Variants in SEC14L1 observed in about 807,000 individuals in gnomAD.
The protein encoded by SEC14L1 is SEC14-like protein 1.
In SEC14L1, 48 loss-of-function variants were observed where a neutral mutation model predicts 85.3. That is an observed-to-expected ratio of 0.56 (90% CI 0.45 to 0.72). The LOEUF is 0.72. Ranked by LOEUF, SEC14L1 falls within the 30% of genes least tolerant of loss-of-function variation. The probability of loss-of-function intolerance (pLI) is 0.00; values close to 1 mark genes in which losing one functional copy is unlikely to be tolerated. For synonymous variants in SEC14L1, 391 were observed against 355.5 expected (o/e 1.10, Z -1.12); for missense variants, 682 against 921.4 (o/e 0.74, Z 3.36).
chr17:77,092,742 A>G (rs1183549858), intron 2 of SEC14L1, among the ~76,000 whole-genome samples: 1 of 152,188 alleles, frequency 6.6e-6, no homozygotes, highest in Admixed American at 6.6e-5. Flanking sequence ...TGAGGTCGGG[A>G]GTTCAAGACC....
chr17:77,192,040 C>CT (rs1975568754), intron 5 of SEC14L1, among the ~76,000 whole-genome samples: 1 of 152,052 alleles, frequency 6.6e-6, no homozygotes, highest in Admixed American at 6.5e-5. Flanking sequence ...CATGATCCGT[C>CT]TGCCTCGTCC....
chr17:77,104,687 AGGC>A (rs963969702), intron 3 of SEC14L1, among the ~76,000 whole-genome samples: 3 of 148,786 alleles, frequency 2.0e-5, no homozygotes, highest in Non-Finnish European at 4.5e-5. Context: ...GCTACTCAGG[AGGC>A]TAAGGCAGGA....
At chr17:77,101,668 T>A (rs1023080789) in intron 3 of SEC14L1, among the ~76,000 whole-genome samples, 30 of 152,344 alleles carry the variant, frequency 2.0e-4, no homozygotes, top group Non-Finnish European at 3.8e-4. Flanking sequence ...TCTGTGGGTC[T>A]GGCCTGGGCT....
intron 5 of SEC14L1, among the ~76,000 whole-genome samples, chr17:77,192,188 T>C (rs1199509430): frequency 6.6e-6 from 1 of 152,224 alleles, no homozygotes; most frequent in Admixed American, 6.5e-5. Flanking sequence ...CCTTTAAGAA[T>C]AGTGCCGAGA....
At chr17:77,095,097 G>C (rs946866223) in intron 3 of SEC14L1, 2 of 152,234 alleles carry the variant, frequency 1.3e-5, no homozygotes, top group Admixed American at 6.6e-5. Flanking sequence ...TTTGCAAGCA[G>C]CTGCTGCCCA....
chr17:77,213,013 C>T lies in SEC14L1; in HGVS notation c.1864-301C>T, dbSNP rs1356149223. On this transcript the variant is annotated intron_variant, in intron 15 of 16. Transcript: ENST00000436233. The surrounding 1 kb of genome is among the most constrained non-coding windows in gnomAD (Gnocchi z 7.1). ...TGAGCCCTCCCTCCAGCATGGGTGC[C>T]ACCAGCCTGCCAGGCTCCTGCCTCC... 6.6e-6 allele frequency among the ~76,000 whole-genome samples: 1 copy of T among 152,246 alleles called. No homozygotes were observed. The highest frequency in any genetic ancestry group is 1.5e-5 in the Non-Finnish European group (1 of 68,034).
At chr17:77,200,711 C>T (rs747998638) in intron 9 of SEC14L1, 38 bp downstream of exon 9, 1 of 1,580,124 alleles carries the variant, frequency 6.3e-7, no homozygotes, top group Non-Finnish European at 8.6e-7. Flanking sequence ...CCATCGTTGT[C>T]TTGATGTGTG....
chr17:77,214,236 TTTGTATACG>T lies in SEC14L1; in HGVS notation c.*218_*226del. 1 of 1,371,868 alleles carries T rather than the reference TTTGTATACG, an allele frequency of 7.3e-7. No individual in the cohort carries two copies. 85.0% of individuals were successfully genotyped at this position (1,371,868 alleles called of 1,614,324 possible). ...CTAACTTAACTCAATAGCCATAGAT[TTTGTATACG>T]TTGTGCACAAAATCCAACCAGAGCG... On this transcript the variant is annotated 3_prime_UTR_variant, in exon 17 of 17. Transcript: ENST00000436233.
intron 3 of SEC14L1, among the ~76,000 whole-genome samples, chr17:77,146,673 A>G (rs1973324929): frequency 6.6e-6 from 1 of 151,376 alleles, no homozygotes; most frequent in African/African-American, 2.4e-5. Context: ...CACCAGCTTC[A>G]GGAAATTTTC....
upstream of SEC14L1, among the ~76,000 whole-genome samples, chr17:77,136,472 C>T (rs1361775698): frequency 6.6e-6 from 1 of 152,056 alleles, no homozygotes; most frequent in African/African-American, 2.4e-5. Context: ...TGTTAGTCGC[C>T]ACCAATATTA....
chr17:77,156,987 C>A (rs866074725), intron 3 of SEC14L1, among the ~76,000 whole-genome samples: 4 of 152,098 alleles, frequency 2.6e-5, no homozygotes, highest in Non-Finnish European at 5.9e-5. Context: ...AAGTAAAATT[C>A]TTGACTCTGG....
intron 3 of SEC14L1, among the ~76,000 whole-genome samples, chr17:77,097,380 A>G (rs1473567806): frequency 1.3e-5 from 2 of 152,028 alleles, no homozygotes; most frequent in African/African-American, 4.8e-5. Context: ...CCTGGCCAAC[A>G]TGGTGAAACC....
At chr17:77,111,176 ACT>A (rs1332009329) in intron 3 of SEC14L1, among the ~76,000 whole-genome samples, 2 of 144,650 alleles carry the variant, frequency 1.4e-5, no homozygotes, top group Non-Finnish European at 3.0e-5. Flanking sequence ...ACAGAGCGAG[ACT>A]CTGTCTCAAA....
upstream of SEC14L1, among the ~76,000 whole-genome samples, chr17:77,139,678 T>C (rs1440067723): frequency 1.3e-5 from 2 of 151,686 alleles, no homozygotes; most frequent in Non-Finnish European, 2.9e-5. Context: ...GTTGTATTTT[T>C]AGTAGAGACA....
At chr17:77,116,622 A>T (rs773177413) in intron 3 of SEC14L1, among the ~76,000 whole-genome samples, 1 of 152,208 alleles carries the variant, frequency 6.6e-6, no homozygotes, top group African/African-American at 2.4e-5. Flanking sequence ...GTAAAACTGA[A>T]AGGCTCATAT....
rs138920965 is a variant in SEC14L1 at position 77,212,097 on chromosome 17, C to T, written c.1759C>T (p.Pro587Ser). ...DSLGAHSITS[P>S]GGNNVQLIDK... ...CCTGGGAGCCCACAGCATCACCTCTCCGGGTGGGAACAATGTGCAGCTCAT... is the reference window on the plus strand; with the variant it reads ...CCTGGGAGCCCACAGCATCACCTCTTCGGGTGGGAACAATGTGCAGCTCAT... The change falls in exon 15 of 17, where the codon CCG (proline) becomes TCG (serine). Residue 587 changes from proline to serine, a missense_variant. By Grantham distance (74) the Pro-to-Ser change is moderately conservative. Coordinates refer to ENST00000436233, the MANE Select transcript of SEC14L1 (RefSeq NM_001143998.2). 2.0e-3 allele frequency: 3,268 copies of T among 1,614,198 alleles called. 10 individuals carry two copies. Among genetic ancestry groups the T allele is most frequent in the Non-Finnish European group, 2.6e-3 (3,012 of 1,180,044 alleles).
chr17:77,185,384 G>A, intron 3 of SEC14L1: 1 of 985,450 alleles, frequency 1.0e-6, no homozygotes, highest in Non-Finnish European at 1.2e-6. Context: ...GCATGCCAAG[G>A]TAAAGTGAAC....
intron 3 of SEC14L1, among the ~76,000 whole-genome samples, chr17:77,172,114 T>C (rs901302924): frequency 2.0e-5 from 3 of 152,202 alleles, no homozygotes; most frequent in Admixed American, 1.3e-4. Context: ...AAGTTTTTCC[T>C]GTGAACAAGT....
chr17:77,131,948 G>T (rs955316816), intron 3 of SEC14L1, among the ~76,000 whole-genome samples: 1 of 152,170 alleles, frequency 6.6e-6, no homozygotes, highest in African/African-American at 2.4e-5. Context: ...TTGAAGGTTG[G>T]ATGATAACTT....
Sources: gnomAD v4.1 joint callset for allele counts (sites outside exome capture counted in the v4.1 genomes callset) on GRCh38, gnomAD v4.1.1 for gene constraint, Gnocchi (gnomAD v3.1) non-coding constraint, MANE v1.5 for transcripts, NCBI Gene and HGNC (gene_info 2026-07-23, HGNC 2026-07-21) for gene names.